BICC1: variants seen among roughly 807,000 people sequenced by gnomAD.
The protein encoded by BICC1 is BicC family RNA binding protein 1.
Under a neutral mutation model 111.0 loss-of-function variants are expected in BICC1, and 43 were observed. That is an observed-to-expected ratio of 0.39 (90% CI 0.30 to 0.50). The LOEUF is 0.50. BICC1 is among the 20% of genes least tolerant of loss of function. The pLI is 0.88. For missense variants in BICC1, 1,091 were observed against 1,203.2 expected (o/e 0.91, Z 1.38); for synonymous variants, 467 against 434.4 (o/e 1.07, Z -0.93).
Position 58,675,560 on chromosome 10 carries a change from T to TA in BICC1, c.238-26505dup, listed in dbSNP as rs200325862. 4.1e-4 allele frequency among the ~76,000 whole-genome samples: 62 copies of TA among 150,882 alleles called. No individual in the cohort carries two copies. In the East Asian group the frequency reaches 6.1e-3, roughly 15 times the overall value. On this transcript the variant is annotated intron_variant, in intron 2 of 20. Coordinates refer to ENST00000373886, the MANE Select transcript of BICC1 (RefSeq NM_001080512.3). ...TCTGTTATGAATTATATGTGGAAAA[T>TA]AAAAAAAAATCAAACTTACAGAAGA...
intron 17 of BICC1, among the ~76,000 whole-genome samples, chr10:58,812,946 A>G (rs374224534): frequency 1.3e-5 from 2 of 152,298 alleles, no homozygotes; most frequent in African/African-American, 4.8e-5. Context: ...AGAATGTAAA[A>G]TAGGAAGATC....
intron 1 of BICC1, among the ~76,000 whole-genome samples, chr10:58,593,156 GCAGCTCAGCAAGGCTGCTGTGGCCA>G (rs1374491522): frequency 1.3e-5 from 2 of 152,094 alleles, no homozygotes; most frequent in Non-Finnish European, 2.9e-5. Context: ...GGAGCCCACT[GCAGCTCAGCAAGGCTGCTGTGGCCA>G]CACTGCCAGA....
chr10:58,566,101 A>G (rs141371781), intron 1 of BICC1, among the ~76,000 whole-genome samples: 5 of 151,968 alleles, frequency 3.3e-5, no homozygotes, highest in Non-Finnish European at 5.9e-5. Context: ...AGGTTGCTGC[A>G]AATGCCATTT....
chr10:58,697,449 A>G (rs1022815860), intron 2 of BICC1, among the ~76,000 whole-genome samples: 2 of 152,214 alleles, frequency 1.3e-5, no homozygotes, highest in Non-Finnish European at 2.9e-5. Flanking sequence ...AATAGGGACA[A>G]TAATGAAATT....
At chr10:58,682,330 A>G (rs1437724385) in intron 2 of BICC1, among the ~76,000 whole-genome samples, 1 of 152,144 alleles carries the variant, frequency 6.6e-6, no homozygotes, top group African/African-American at 2.4e-5. Flanking sequence ...ATAGACATAC[A>G]TGTGCATTTA....
intron 2 of BICC1, among the ~76,000 whole-genome samples, chr10:58,677,277 C>G (rs57222238): frequency 0.016 from 2,473 of 152,228 alleles, 69 homozygotes; most frequent in African/African-American, 0.057. Context: ...CATGTTCTAA[C>G]CCAATGCAAA....
intron 3 of BICC1, among the ~76,000 whole-genome samples, chr10:58,707,813 C>T (rs560030387): frequency 1.1e-4 from 16 of 152,250 alleles, no homozygotes; most frequent in South Asian, 1.0e-3. Context: ...TGTCCTGGCT[C>T]AGCCTCCCGA....
chr10:58,723,998 T>C (rs1164904381), intron 3 of BICC1, among the ~76,000 whole-genome samples: 1 of 152,238 alleles, frequency 6.6e-6, no homozygotes, highest in Non-Finnish European at 1.5e-5. Context: ...ACAGTTAGTG[T>C]CAACATGATG....
At chr10:58,706,855 G>C (rs977594363) in intron 3 of BICC1, among the ~76,000 whole-genome samples, 9 of 151,922 alleles carry the variant, frequency 5.9e-5, no homozygotes, top group Non-Finnish European at 1.2e-4. Flanking sequence ...CCAATCTCAG[G>C]TATTTCTTTA....
intron 3 of BICC1, among the ~76,000 whole-genome samples, chr10:58,716,588 A>T (rs1339434325): frequency 6.6e-6 from 1 of 152,228 alleles, no homozygotes; most frequent in East Asian, 1.9e-4. Context: ...AGAAATGTCT[A>T]AGGATAAACC....
chr10:58,818,301 G>C (rs947367173), intron 19 of BICC1, among the ~76,000 whole-genome samples: 2 of 152,078 alleles, frequency 1.3e-5, no homozygotes, highest in Non-Finnish European at 2.9e-5. Flanking sequence ...AAACTGATTA[G>C]CCATATCCTA....
chr10:58,820,430 C>G lies in BICC1; in HGVS notation c.2756C>G (p.Thr919Ser), dbSNP rs746068578. 5.0e-6 allele frequency: 8 copies of G among 1,611,896 alleles called. No individual in the cohort carries two copies. Among genetic ancestry groups the G allele is most frequent in the Non-Finnish European group, 6.8e-6 (8 of 1,178,382 alleles). The part of the protein sequence containing the change: ...DQDLKELGIT[T>S]FGARRKMLLA... ...GATCTGAAGGAGCTGGGAATAACTA[C>G]TTTTGGTGCCAGGAGGAAAATGCTG... Residue 919 changes from threonine to serine, a missense_variant, in exon 20 of 21, where the codon ACT becomes AGT. By Grantham distance (58) the Thr-to-Ser change is moderately conservative (BLOSUM62 1). Around this residue, in one of 3 missense-constraint regions of BICC1, gnomAD observed 231 missense variants for 256.2 expected, o/e 0.90. Coordinates refer to ENST00000373886, the MANE Select transcript of BICC1 (RefSeq NM_001080512.3).
chr10:58,616,248 C>G (rs377364058), intron 1 of BICC1, among the ~76,000 whole-genome samples: 12 of 152,206 alleles, frequency 7.9e-5, no homozygotes, highest in African/African-American at 2.9e-4. Context: ...GGGGAAGATG[C>G]CCTGCCTGCA....
chr10:58,648,224 G>A (rs1042538465), intron 2 of BICC1, among the ~76,000 whole-genome samples: 1 of 152,196 alleles, frequency 6.6e-6, no homozygotes, highest in African/African-American at 2.4e-5. Context: ...GTCTGCTTTA[G>A]GAGGGTGTAG....
chr10:58,699,841 G>A (rs1840176797), intron 2 of BICC1, among the ~76,000 whole-genome samples: 1 of 152,016 alleles, frequency 6.6e-6, no homozygotes, highest in Non-Finnish European at 1.5e-5. Flanking sequence ...ACAGGCATGT[G>A]CCACCACATT....
At chr10:58,827,172 A>G (rs1021971868) in intron 20 of BICC1, among the ~76,000 whole-genome samples, 1 of 152,220 alleles carries the variant, frequency 6.6e-6, no homozygotes, top group African/African-American at 2.4e-5. Flanking sequence ...AGGTGGTCAT[A>G]AGGACCTTAA....
intron 1 of BICC1, among the ~76,000 whole-genome samples, chr10:58,522,794 G>C (rs1414473827): frequency 2.0e-5 from 3 of 151,934 alleles, no homozygotes; most frequent in Non-Finnish European, 4.4e-5. Context: ...CAACAAAATG[G>C]ATAGACCGTT....
At chr10:58,614,862 AAT>A (rs1396523241) in intron 1 of BICC1, among the ~76,000 whole-genome samples, 4 of 152,198 alleles carry the variant, frequency 2.6e-5, no homozygotes, top group Non-Finnish European at 5.9e-5. Flanking sequence ...TAAAAAGGGC[AAT>A]TATCTACTTT....
intron 2 of BICC1, among the ~76,000 whole-genome samples, chr10:58,679,107 A>T (rs1032112017): frequency 6.6e-6 from 1 of 152,220 alleles, no homozygotes; most frequent in African/African-American, 2.4e-5. Context: ...TTGACACCCT[A>T]ACATCACAAT....
Sources: allele counts gnomAD v4.1 joint callset (sites outside exome capture counted in the v4.1 genomes callset), GRCh38; gene constraint gnomAD v4.1.1; regional missense constraint gnomAD v4.1.1; transcripts MANE v1.5; gene names NCBI Gene and HGNC (gene_info 2026-07-23, HGNC 2026-07-21).